EFL1: variants seen among roughly 807,000 people sequenced by gnomAD.
The protein encoded by EFL1 is elongation factor like GTPase 1.
EFL1 carries 76 observed loss-of-function variants against 126.7 expected under a neutral mutation model. The ratio of observed to expected loss-of-function variants is 0.60; its 90% CI spans 0.50 to 0.73. The LOEUF (loss-of-function observed/expected upper bound fraction) is 0.73. Ranked by LOEUF, EFL1 falls within the 30% of genes least tolerant of loss-of-function variation. EFL1 has a pLI of 0.00. For missense variants in EFL1, 1,128 were observed against 1,343.2 expected, an observed-to-expected ratio of 0.84 and a Z score of 2.50; for synonymous variants, 410 against 448.4, an observed-to-expected ratio of 0.91 and a Z score of 1.08.
chr15:82,196,976 G>A (rs1443711811), intron 15 of EFL1, among the ~76,000 whole-genome samples: 1 of 151,264 alleles, frequency 6.6e-6, no homozygotes, highest in East Asian at 1.9e-4. Flanking sequence ...AGATTGCAGT[G>A]AGCCGAGATT....
chr15:82,204,839 G>C lies in EFL1; in HGVS notation c.1750+9878C>G, dbSNP rs565202689. The stretch of plus-strand genomic sequence containing the variant: ...CCAGTGTTGGCATGACAACTATGCT[G>C]ATAAATACTCAACTCACGAAGTATG... On this transcript the variant is annotated intron_variant, in intron 15 of 19. Transcript: ENST00000268206. Among the ~76,000 whole-genome samples the C allele has an allele frequency of 1.1e-4, 16 of 152,320 alleles. No homozygotes were observed. The South Asian group carries it at 3.3e-3, about 32-fold the overall frequency.
intron 17 of EFL1, among the ~76,000 whole-genome samples, chr15:82,156,560 G>A (rs2073969779): frequency 6.6e-6 from 1 of 152,128 alleles, no homozygotes; most frequent in Non-Finnish European, 1.5e-5. Context: ...TGGGATTAGA[G>A]GCGTGAGCCA....
At position 82,240,557 on chromosome 15, in the gene EFL1, T is replaced by C; in HGVS notation, c.379-2A>G. The C allele has an allele frequency of 6.2e-7, 1 of 1,605,004 alleles. No homozygotes were observed. The highest frequency in any genetic ancestry group is 8.5e-7 in the Non-Finnish European group (1 of 1,177,740). The stretch of plus-strand genomic sequence containing the variant: ...AGCTTGTCGCAGAACTGCCTGTGTC[T>C]GATAAAAACAGAAAGAAAAATGTAA... On this transcript the variant is annotated splice_acceptor_variant, in intron 5 of 19. Coordinates refer to ENST00000268206, the MANE Select transcript of EFL1 (RefSeq NM_024580.6). LOFTEE classifies it high-confidence loss of function.
At chr15:82,137,420 A>G (rs1414425504) in intron 19 of EFL1, among the ~76,000 whole-genome samples, 1 of 152,216 alleles carries the variant, frequency 6.6e-6, no homozygotes, top group Non-Finnish European at 1.5e-5. Flanking sequence ...TGAATGCCAC[A>G]CCGCTGAGAG....
intron 7 of EFL1, among the ~76,000 whole-genome samples, chr15:82,236,679 C>T (rs2074875829): frequency 6.6e-6 from 1 of 152,094 alleles, no homozygotes. Context: ...AAAATTAACT[C>T]AAAATGGGTC....
At position 82,196,761 on chromosome 15, in the gene EFL1, C is replaced by T. The variant is rs1194970704; in HGVS notation, c.1750+17956G>A. ...TAATAATTGTGGCTTCGGCCGGGAGCGGTGGCTCTCGCCTGTAATCCCAGC... is the reference window on the plus strand; with the variant it reads ...TAATAATTGTGGCTTCGGCCGGGAGTGGTGGCTCTCGCCTGTAATCCCAGC... On this transcript the variant is annotated intron_variant, in intron 15 of 19. Transcript: ENST00000268206. Among the ~76,000 whole-genome samples, 5 of 152,316 alleles carry T rather than the reference C, an allele frequency of 3.3e-5. No homozygotes were observed. The South Asian group carries it at 8.3e-4, about 25-fold the overall frequency.
chr15:82,134,656 G>A (rs1044978592), intron 19 of EFL1, among the ~76,000 whole-genome samples: 14 of 152,226 alleles, frequency 9.2e-5, no homozygotes, highest in Non-Finnish European at 2.1e-4. Context: ...ACTTCACCCG[G>A]TATGAACTTT....
At chr15:82,179,086 G>C (rs1387233469) in intron 15 of EFL1, among the ~76,000 whole-genome samples, 3 of 152,168 alleles carry the variant, frequency 2.0e-5, no homozygotes, top group African/African-American at 7.2e-5. Flanking sequence ...CGAGGTTACA[G>C]TAAACTATGA....
chr15:82,149,867 G>A (rs2073889305), intron 18 of EFL1, among the ~76,000 whole-genome samples: 1 of 152,156 alleles, frequency 6.6e-6, no homozygotes, highest in Admixed American at 6.5e-5. Context: ...ATCAATAGAA[G>A]TATTCAAATA....
At chr15:82,246,163 C>A (rs1413589888) in intron 4 of EFL1, among the ~76,000 whole-genome samples, 1 of 152,064 alleles carries the variant, frequency 6.6e-6, no homozygotes, top group Admixed American at 6.5e-5. Context: ...ACATCTGCCA[C>A]CCAGTACTGT....
At chr15:82,155,294 G>C (rs1055594561) in intron 17 of EFL1, among the ~76,000 whole-genome samples, 2 of 152,108 alleles carry the variant, frequency 1.3e-5, no homozygotes, top group East Asian at 1.9e-4. Flanking sequence ...TTGAGGTCAA[G>C]AGTTTGAGAA....
intron 15 of EFL1, among the ~76,000 whole-genome samples, chr15:82,198,083 T>C (rs1294244018): frequency 2.0e-5 from 3 of 152,200 alleles, no homozygotes; most frequent in African/African-American, 7.2e-5. Context: ...CTACACGTTT[T>C]ACACATGGGC....
At chr15:82,204,265 C>A (rs1296926216) in intron 15 of EFL1, among the ~76,000 whole-genome samples, 5 of 152,152 alleles carry the variant, frequency 3.3e-5, no homozygotes, top group African/African-American at 4.8e-5. Context: ...GACCGAAAGA[C>A]CTGCCAAGTC....
intron 16 of EFL1, among the ~76,000 whole-genome samples, chr15:82,158,835 C>T (rs1567044528): frequency 6.6e-6 from 1 of 152,164 alleles, no homozygotes; most frequent in African/African-American, 2.4e-5. Context: ...CAGACAAGCA[C>T]TTTACATATA....
intron 15 of EFL1, among the ~76,000 whole-genome samples, chr15:82,194,611 T>G (rs1340935556): frequency 6.6e-6 from 1 of 152,176 alleles, no homozygotes; most frequent in Non-Finnish European, 1.5e-5. Context: ...TCAGTGATAA[T>G]AAGGGTGACC....
intron 15 of EFL1, among the ~76,000 whole-genome samples, chr15:82,166,105 T>C (rs1293711046): frequency 6.6e-6 from 1 of 152,114 alleles, no homozygotes; most frequent in African/African-American, 2.4e-5. Context: ...CCATAGTAAA[T>C]ATTCCCTTTC....
At chr15:82,194,060 G>A (rs1457058871) in intron 15 of EFL1, among the ~76,000 whole-genome samples, 2 of 152,134 alleles carry the variant, frequency 1.3e-5, no homozygotes, top group African/African-American at 4.8e-5. Flanking sequence ...AACTTTAATT[G>A]AAGAAGACTT....
chr15:82,166,206 G>A (rs1779326495), intron 15 of EFL1, among the ~76,000 whole-genome samples: 1 of 152,152 alleles, frequency 6.6e-6, no homozygotes. Context: ...GATAAATGCT[G>A]GTCTTTCCTC....
At chr15:82,203,529 C>A (rs529242736) in intron 15 of EFL1, among the ~76,000 whole-genome samples, 1 of 152,216 alleles carries the variant, frequency 6.6e-6, no homozygotes, top group South Asian at 2.1e-4. Flanking sequence ...TGCCCACCAC[C>A]ACGCCCGGCA....
Sources: gnomAD v4.1 joint callset for allele counts (sites outside exome capture counted in the v4.1 genomes callset) on GRCh38, gnomAD v4.1.1 for gene constraint, MANE v1.5 for transcripts, NCBI Gene and HGNC (gene_info 2026-07-23, HGNC 2026-07-21) for gene names.